VPS41: variants seen among roughly 807,000 people sequenced by gnomAD.
VPS41 encodes the protein vacuolar protein sorting-associated protein 41 homolog.
In VPS41, 85 loss-of-function variants were observed where a neutral mutation model predicts 130.9. The ratio of observed to expected loss-of-function variants is 0.65; its 90% CI spans 0.55 to 0.78. The LOEUF (loss-of-function observed/expected upper bound fraction) is 0.78. Ranked by LOEUF, VPS41 falls within the 30% of genes least tolerant of loss-of-function variation. The probability of loss-of-function intolerance (pLI) is 0.00; values close to 1 mark genes in which losing one functional copy is unlikely to be tolerated. For missense variants in VPS41, 874 were observed against 1,018.7 expected (o/e 0.86, Z 1.93); for synonymous variants, 335 against 332.9 (o/e 1.01, Z -0.07).
At chr7:38,752,365 C>G (rs769189243) in intron 21 of VPS41, 52 bp from the exon 22 acceptor site, 2 of 1,606,434 alleles carry the variant, frequency 1.2e-6, no homozygotes, top group Admixed American at 3.4e-5. Context: ...AAAAGCAATA[C>G]CTGGCTAACA....
intron 28 of VPS41, among the ~76,000 whole-genome samples, chr7:38,726,619 C>T (rs1302248638): frequency 6.6e-6 from 1 of 152,204 alleles, no homozygotes; most frequent in East Asian, 1.9e-4. Flanking sequence ...ACATAAGATA[C>T]ACAATGGCTC....
intron 4 of VPS41, among the ~76,000 whole-genome samples, chr7:38,837,556 T>C (rs1403832834): frequency 6.6e-6 from 1 of 152,200 alleles, no homozygotes; most frequent in East Asian, 1.9e-4. Flanking sequence ...TAAAGCACCA[T>C]GAATATAACA....
intron 5 of VPS41, among the ~76,000 whole-genome samples, chr7:38,825,164 G>A (rs1053289466): frequency 6.6e-6 from 1 of 152,234 alleles, no homozygotes; most frequent in Non-Finnish European, 1.5e-5. Context: ...GGCTGGAGGA[G>A]TAACTGCTGA....
At chr7:38,846,107 T>A (rs74525051) in intron 4 of VPS41, among the ~76,000 whole-genome samples, 8 of 152,046 alleles carry the variant, frequency 5.3e-5, no homozygotes, top group African/African-American at 1.7e-4. Context: ...AAAAAGCAAC[T>A]AATAGTACCA....
At chr7:38,853,037 C>T (rs1785892446) in intron 4 of VPS41, among the ~76,000 whole-genome samples, 2 of 152,126 alleles carry the variant, frequency 1.3e-5, no homozygotes, top group Non-Finnish European at 2.9e-5. Context: ...CCCCTACTCC[C>T]AAGATACTAC....
chr7:38,862,336 T>C (rs1366270439), intron 4 of VPS41, among the ~76,000 whole-genome samples: 1 of 152,214 alleles, frequency 6.6e-6, no homozygotes, highest in Non-Finnish European at 1.5e-5. Context: ...TCAAAATATA[T>C]AATGCATGTA....
At chr7:38,755,332 T>C (rs1278249565) in intron 19 of VPS41, among the ~76,000 whole-genome samples, 1 of 152,172 alleles carries the variant, frequency 6.6e-6, no homozygotes, top group Admixed American at 6.5e-5. Context: ...TTCCAGCTAC[T>C]TCAACCTCGA....
At chr7:38,827,335 G>A (rs1038789235) in intron 5 of VPS41, among the ~76,000 whole-genome samples, 10 of 152,160 alleles carry the variant, frequency 6.6e-5, no homozygotes, top group Admixed American at 2.6e-4. Context: ...GGCTAAAAAT[G>A]AGAAAGCAAA....
chr7:38,735,428 G>C lies in VPS41; in HGVS notation c.2259+6557C>G, dbSNP rs559297238. The stretch of plus-strand genomic sequence containing the variant: ...AATGCAAATTTGGGAAAATAACTTT[G>C]GAAGGCATGGAGATGTCTGAAATCA... On this transcript the variant is annotated intron_variant, in intron 25 of 28. Coordinates refer to ENST00000310301, the MANE Select transcript of VPS41 (RefSeq NM_014396.4). Among the ~76,000 whole-genome samples the C allele has an allele frequency of 3.7e-4, 57 of 152,282 alleles. 1 individual carries two copies. Among genetic ancestry groups the C allele is most frequent in the Admixed American group, 2.6e-3 (40 of 15,294 alleles).
At chr7:38,882,855 T>A (rs1284060418) in intron 2 of VPS41, among the ~76,000 whole-genome samples, 1 of 152,250 alleles carries the variant, frequency 6.6e-6, no homozygotes, top group Non-Finnish European at 1.5e-5. Flanking sequence ...TCTCCCCTAT[T>A]CCTACTTATC....
intron 12 of VPS41, among the ~76,000 whole-genome samples, chr7:38,773,735 C>G (rs1282963847): frequency 6.6e-6 from 1 of 152,178 alleles, no homozygotes; most frequent in Non-Finnish European, 1.5e-5. Flanking sequence ...AAGACAACTT[C>G]TCTGCCACCC....
chr7:38,909,074 C>T, intron 1 of VPS41, 80 bp downstream of exon 1: 1 of 1,546,398 alleles, frequency 6.5e-7, no homozygotes, highest in East Asian at 2.2e-5. Context: ...GCACCTCCAC[C>T]CACTCCACTC....
chr7:38,768,808 C>T (rs1784099653), intron 14 of VPS41, among the ~76,000 whole-genome samples: 1 of 152,092 alleles, frequency 6.6e-6, no homozygotes, highest in Non-Finnish European at 1.5e-5. Context: ...CCTCCTCTTC[C>T]TTTTATATCA....
intron 7 of VPS41, among the ~76,000 whole-genome samples, chr7:38,812,356 T>A (rs968566147): frequency 6.6e-6 from 1 of 152,140 alleles, no homozygotes; most frequent in African/African-American, 2.4e-5. Flanking sequence ...AAAGAATAAA[T>A]TTGGACTCCT....
chr7:38,817,550 G>A (rs1202560493), intron 7 of VPS41, among the ~76,000 whole-genome samples: 5 of 152,132 alleles, frequency 3.3e-5, no homozygotes, highest in African/African-American at 1.2e-4. Context: ...CCCAGGAGGC[G>A]GAGGCTGCAG....
At chr7:38,841,970 C>T (rs532568816) in intron 4 of VPS41, among the ~76,000 whole-genome samples, 20 of 152,280 alleles carry the variant, frequency 1.3e-4, no homozygotes, top group Middle Eastern at 3.4e-3. Flanking sequence ...TCTTAAACAG[C>T]GGTATTTTCA....
intron 10 of VPS41, among the ~76,000 whole-genome samples, chr7:38,783,888 T>A (rs1784395146): frequency 6.6e-6 from 1 of 152,182 alleles, no homozygotes; most frequent in Non-Finnish European, 1.5e-5. Flanking sequence ...GAGACAACAT[T>A]AAATCAATAT....
chr7:38,866,260 G>A (rs967634706), intron 3 of VPS41, among the ~76,000 whole-genome samples: 3 of 152,184 alleles, frequency 2.0e-5, no homozygotes, highest in Non-Finnish European at 2.9e-5. Context: ...GTCTTATTTC[G>A]TAGTTGATGA....
intron 5 of VPS41, among the ~76,000 whole-genome samples, chr7:38,828,321 AT>A (rs1785321344): frequency 1.3e-5 from 2 of 151,634 alleles, no homozygotes; most frequent in East Asian, 3.9e-4. Context: ...CAAAAAAAAG[AT>A]TGAAAATGAG....
Sources: allele counts gnomAD v4.1 joint callset (sites outside exome capture counted in the v4.1 genomes callset), GRCh38; gene constraint gnomAD v4.1.1; transcripts MANE v1.5; gene names NCBI Gene and HGNC (gene_info 2026-07-23, HGNC 2026-07-21).